Variants in RBFOX1 observed in about 807,000 individuals in gnomAD.
The protein encoded by RBFOX1 is RNA binding fox-1 homolog 1.
A neutral mutation model predicts 57.7 loss-of-function variants in RBFOX1; 8 were observed. The observed-to-expected ratio is 0.14, with a 90% CI of 0.08 to 0.25. The LOEUF is 0.25. RBFOX1 is among the 10% of genes least tolerant of loss of function. The probability of loss-of-function intolerance (pLI) is 1.00; values close to 1 mark genes in which losing one functional copy is unlikely to be tolerated. For synonymous variants in RBFOX1, 326 were observed against 222.4 expected, an observed-to-expected ratio of 1.47 and a Z score of -4.15; for missense variants, 611 against 548.5, an observed-to-expected ratio of 1.11 and a Z score of -1.14.
At chr16:6,210,120 C>G (rs944614311) in intron 1 of RBFOX1, among the ~76,000 whole-genome samples, 2 of 151,516 alleles carry the variant, frequency 1.3e-5, no homozygotes, top group African/African-American at 4.8e-5. Flanking sequence ...GAGTTCGAGA[C>G]CAGCCTGGCC....
At chr16:7,199,007 C>G (rs1216027127) in intron 4 of RBFOX1, among the ~76,000 whole-genome samples, 1 of 152,146 alleles carries the variant, frequency 6.6e-6, no homozygotes, top group African/African-American at 2.4e-5. Flanking sequence ...GAAAAGGAGA[C>G]AGCTCCAAGC....
rs11865133 is a variant in RBFOX1, at chr16:6,702,850, C to T, written c.-16+48200C>T. On this transcript the variant is annotated intron_variant, in intron 3 of 15. Transcript: ENST00000550418. ...TAAATACATTCACATTGTTGTGCGA[C>T]CATCACCACCATCTGTCTCCAGAAC... Among the ~76,000 whole-genome samples the T allele has an allele frequency of 5.0e-3, 759 of 152,288 alleles. 8 individuals are homozygous for T. Among genetic ancestry groups the T allele is most frequent in the African/African-American group, 0.017 (721 of 41,554 alleles).
chr16:6,077,756 A>T (rs1717723531), intron 1 of RBFOX1, among the ~76,000 whole-genome samples: 1 of 150,166 alleles, frequency 6.7e-6, no homozygotes, highest in African/African-American at 2.4e-5. Flanking sequence ...TTGCTCTGTC[A>T]CCCAGGCTGG....
rs938226480 is a variant in RBFOX1, at chr16:6,649,982, A to C, written c.-63-4621A>C. Among the ~76,000 whole-genome samples, 86 of 152,236 alleles carry C rather than the reference A, an allele frequency of 5.6e-4. 1 individual carries two copies. Among genetic ancestry groups the C allele is most frequent in the Non-Finnish European group, 1.1e-3 (78 of 68,008 alleles). On this transcript the variant is annotated intron_variant, in intron 2 of 15. Transcript: ENST00000550418. ...GTGCTGCTATAAAAGTGGGGTATTCAGTTTGATTCCCTATCTTGGCTATTG... is the reference window on the plus strand; with the variant it reads ...GTGCTGCTATAAAAGTGGGGTATTCCGTTTGATTCCCTATCTTGGCTATTG...
At chr16:6,856,371 CTA>C (rs1567579206) in intron 3 of RBFOX1, among the ~76,000 whole-genome samples, 1 of 152,098 alleles carries the variant, frequency 6.6e-6, no homozygotes, top group Non-Finnish European at 1.5e-5. Context: ...GATGAGTAGA[CTA>C]TGTCTCCTTG....
At chr16:5,608,684 A>G (rs986511177) in intron 3 of RBFOX1, among the ~76,000 whole-genome samples, 2 of 152,230 alleles carry the variant, frequency 1.3e-5, no homozygotes, top group Non-Finnish European at 2.9e-5. Context: ...TGTCTGTTAC[A>G]AGGCTGCAAG....
intron 3 of RBFOX1, among the ~76,000 whole-genome samples, chr16:5,854,486 T>A (rs1208743791): frequency 2.6e-5 from 4 of 152,168 alleles, no homozygotes; most frequent in Admixed American, 6.5e-5. Flanking sequence ...TCCAGCTTCC[T>A]CCATGTTGTT....
At chr16:6,358,965 A>G (rs2087893905) in intron 2 of RBFOX1, among the ~76,000 whole-genome samples, 1 of 152,136 alleles carries the variant, frequency 6.6e-6, no homozygotes, top group African/African-American at 2.4e-5. Context: ...TGTTTATCCC[A>G]TTGCTCTGTC....
At chr16:6,657,701 G>C (rs181937753) in intron 3 of RBFOX1, among the ~76,000 whole-genome samples, 7 of 152,210 alleles carry the variant, frequency 4.6e-5, no homozygotes, top group African/African-American at 1.7e-4. Flanking sequence ...AGTGACAAGA[G>C]ATGGCAGAGG....
At chr16:6,180,371 AT>A (rs36041640) in intron 1 of RBFOX1, among the ~76,000 whole-genome samples, 2,771 of 151,472 alleles carry the variant, frequency 0.018, 33 homozygotes, top group Non-Finnish European at 0.024. Flanking sequence ...TTCCAGAAAT[AT>A]TTTTTTCATT....
rs193027608 is a variant in RBFOX1, at chr16:6,340,865, A to G, written c.-64+23808A>G. On this transcript the variant is annotated intron_variant, in intron 2 of 15. Coordinates refer to ENST00000550418, the MANE Select transcript of RBFOX1 (RefSeq NM_018723.4). ...GCCCTTGTTCACATGCCTTTGACACAAGAGTGAGCCAGGGAAAGAGAGACA... is the reference window on the plus strand; with the variant it reads ...GCCCTTGTTCACATGCCTTTGACACGAGAGTGAGCCAGGGAAAGAGAGACA... 2.4e-4 allele frequency among the ~76,000 whole-genome samples: 37 copies of G among 152,258 alleles called. No individual in the cohort carries two copies. In the Middle Eastern group the frequency reaches 0.014, roughly 56 times the overall value.
At chr16:5,856,231 ATATATATG>A (rs1567631217) in intron 3 of RBFOX1, among the ~76,000 whole-genome samples, 46 of 50,602 alleles carry the variant, frequency 9.1e-4, no homozygotes, top group African/African-American at 3.2e-3. Flanking sequence ...ATATATATGT[ATATATATG>A]TGTATATATA....
intron 1 of RBFOX1, among the ~76,000 whole-genome samples, chr16:5,416,974 T>C (rs2067178876): frequency 6.6e-6 from 1 of 152,146 alleles, no homozygotes; most frequent in Admixed American, 6.5e-5. Flanking sequence ...AAAGTTCTTC[T>C]GTGTAAAACC....
chr16:7,595,451 G>A, intron 7 of RBFOX1, 98 bp from the exon 8 acceptor site: 2 of 947,992 alleles, frequency 2.1e-6, no homozygotes, highest in South Asian at 2.1e-5. Context: ...CTGAAGCCAG[G>A]ACAAGAAATA....
intron 1 of RBFOX1, among the ~76,000 whole-genome samples, chr16:6,112,241 G>A (rs2096454672): frequency 6.6e-6 from 1 of 152,134 alleles, no homozygotes; most frequent in African/African-American, 2.4e-5. Flanking sequence ...AATGCAGGTA[G>A]GAATTGAGAA....
chr16:6,257,885 A>G (rs914173371), intron 1 of RBFOX1, among the ~76,000 whole-genome samples: 2 of 152,168 alleles, frequency 1.3e-5, no homozygotes, highest in Admixed American at 1.3e-4. Context: ...CAGTGAACAT[A>G]CACATGGATG....
intron 4 of RBFOX1, among the ~76,000 whole-genome samples, chr16:7,243,015 A>G (rs923870711): frequency 6.6e-6 from 1 of 152,090 alleles, no homozygotes; most frequent in Non-Finnish European, 1.5e-5. Context: ...TTGGATTTTC[A>G]GGATGTCAAG....
intron 5 of RBFOX1, chr16:7,519,804 C>T (rs1280032890): frequency 2.4e-6 from 2 of 831,212 alleles, no homozygotes; most frequent in Non-Finnish European, 2.9e-6. Context: ...GATACATTTC[C>T]TGTGATAAAA....
intron 1 of RBFOX1, among the ~76,000 whole-genome samples, chr16:6,217,983 T>C (rs1318027292): frequency 6.6e-6 from 1 of 152,130 alleles, no homozygotes; most frequent in African/African-American, 2.4e-5. Flanking sequence ...GCCACTGCAT[T>C]CTAGCCTGGA....
Sources: allele counts gnomAD v4.1 joint callset (sites outside exome capture counted in the v4.1 genomes callset), GRCh38; gene constraint gnomAD v4.1.1; transcripts MANE v1.5; gene names NCBI Gene and HGNC (gene_info 2026-07-23, HGNC 2026-07-21).